The following ANO3 variants were observed in gnomAD, a reference collection of about 807,000 sequenced individuals.
ANO3 encodes the protein anoctamin-3.
Under a neutral mutation model 144.8 loss-of-function variants are expected in ANO3, and 99 were observed. The ratio of observed to expected loss-of-function variants is 0.68; its 90% CI spans 0.58 to 0.81. The LOEUF is 0.81. ANO3 is among the 30% of genes least tolerant of loss of function. ANO3 has a pLI of 0.00. For synonymous variants in ANO3, 414 were observed against 392.6 expected (o/e 1.05, Z -0.64); for missense variants, 905 against 1,202.2 (o/e 0.75, Z 3.66).
In ANO3 at chr11:26,598,921, G is replaced by T. The variant is rs780946947; in HGVS notation, c.1594G>T (p.Gly532Ter). The T allele has an allele frequency of 6.2e-7, 1 of 1,613,892 alleles. No homozygotes were observed. The highest frequency in any genetic ancestry group is 2.2e-5 in the East Asian group (1 of 44,842). Reference sequence around the variant, plus strand: ...GATGGAGATTGTAAATCCCATCACGGGAAAACCTGAACCACATCAGCCTTC... The same window carrying T: ...GATGGAGATTGTAAATCCCATCACGTGAAAACCTGAACCACATCAGCCTTC... Reference protein sequence around the residue: ...YKMEIVNPITGKPEPHQPSSD... With the variant: ...YKMEIVNPIT The change falls in exon 16 of 27, where the codon GGA (glycine) becomes TGA (stop). Residue 532 changes from glycine (G) to a stop codon, truncating the protein, a stop_gained. Transcript: ENST00000256737. LOFTEE classifies it high-confidence loss of function.
intron 14 of ANO3, among the ~76,000 whole-genome samples, chr11:26,571,022 A>G (rs1052932212): frequency 2.0e-5 from 3 of 152,126 alleles, no homozygotes; most frequent in Admixed American, 2.0e-4. Context: ...CAAGAAAAAA[A>G]CAAATTTCAG....
At chr11:26,217,206 C>T (rs1020649317) in intron 1 of ANO3, among the ~76,000 whole-genome samples, 6 of 151,920 alleles carry the variant, frequency 3.9e-5, no homozygotes, top group Non-Finnish European at 8.8e-5. Flanking sequence ...TTTACATTTA[C>T]GTCTATGATC....
chr11:26,396,592 C>T (rs1245673019), intron 1 of ANO3, among the ~76,000 whole-genome samples: 1 of 137,652 alleles, frequency 7.3e-6, no homozygotes, highest in African/African-American at 2.7e-5. Context: ...GGCACATACA[C>T]ACCAAGGAAT....
intron 24 of ANO3, among the ~76,000 whole-genome samples, chr11:26,649,164 C>T (rs1349398134): frequency 1.3e-5 from 2 of 151,818 alleles, no homozygotes; most frequent in African/African-American, 4.8e-5. Flanking sequence ...CCATAAAAAC[C>T]CTAGCAAAAA....
intron 1 of ANO3, among the ~76,000 whole-genome samples, chr11:26,254,043 A>G (rs1430855655): frequency 6.6e-6 from 1 of 152,168 alleles, no homozygotes; most frequent in Non-Finnish European, 1.5e-5. Context: ...TTCTAGATGG[A>G]ATTACCAGCA....
intron 1 of ANO3, among the ~76,000 whole-genome samples, chr11:26,322,493 TCTTGA>T (rs965955970): frequency 3.9e-5 from 6 of 152,156 alleles, no homozygotes; most frequent in Non-Finnish European, 8.8e-5. Flanking sequence ...TTTAGGCTCC[TCTTGA>T]CTTGACAGTT....
At chr11:26,193,739 T>C (rs1851523932) in intron 1 of ANO3, among the ~76,000 whole-genome samples, 1 of 152,196 alleles carries the variant, frequency 6.6e-6, no homozygotes, top group South Asian at 2.1e-4. Context: ...TTTTGTACTT[T>C]TCTGAGCTAC....
chr11:26,301,557 T>C (rs1854232825), intron 1 of ANO3, among the ~76,000 whole-genome samples: 1 of 152,156 alleles, frequency 6.6e-6, no homozygotes, highest in Admixed American at 6.5e-5. Context: ...TTCCTAAAAG[T>C]AGAATGGAAG....
At chr11:26,370,601 T>C (rs1277100456) in intron 1 of ANO3, among the ~76,000 whole-genome samples, 1 of 152,178 alleles carries the variant, frequency 6.6e-6, no homozygotes, top group Non-Finnish European at 1.5e-5. Flanking sequence ...TCTTAAAACT[T>C]GGAGGGCTCA....
chr11:26,218,597 A>G (rs1027243698), intron 1 of ANO3, among the ~76,000 whole-genome samples: 7 of 152,186 alleles, frequency 4.6e-5, no homozygotes, highest in African/African-American at 1.7e-4. Flanking sequence ...AGCATTTGCC[A>G]AAGAGCTGTA....
chr11:26,434,585 A>T (rs1858231329), intron 1 of ANO3, among the ~76,000 whole-genome samples: 1 of 152,070 alleles, frequency 6.6e-6, no homozygotes. Flanking sequence ...TTCCCTTCTA[A>T]CACTGCCTGA....
chr11:26,603,477 A>G (rs919021512), intron 17 of ANO3, among the ~76,000 whole-genome samples: 1 of 152,068 alleles, frequency 6.6e-6, no homozygotes, highest in African/African-American at 2.4e-5. Context: ...TCATTGTAGT[A>G]TTATTTAGAG....
intron 17 of ANO3, among the ~76,000 whole-genome samples, chr11:26,600,320 C>T (rs1468285207): frequency 1.2e-5 from 1 of 86,506 alleles, no homozygotes; most frequent in Non-Finnish European, 2.4e-5. Context: ...TCTCCTCTCC[C>T]CTCCCGTCTT....
intron 1 of ANO3, among the ~76,000 whole-genome samples, chr11:26,354,812 T>C (rs1855736628): frequency 2.6e-5 from 4 of 152,162 alleles, no homozygotes; most frequent in Admixed American, 2.0e-4. Context: ...ATTAAAATTG[T>C]TTAATGTATA....
chr11:26,216,132 C>T (rs1852031855), intron 1 of ANO3, among the ~76,000 whole-genome samples: 1 of 151,818 alleles, frequency 6.6e-6, no homozygotes, highest in Non-Finnish European at 1.5e-5. Context: ...TACGTTATTC[C>T]TTTTATCTTA....
chr11:26,410,531 GGAGATGA>G (rs1857401981), intron 1 of ANO3, among the ~76,000 whole-genome samples: 3 of 151,864 alleles, frequency 2.0e-5, no homozygotes, highest in Non-Finnish European at 4.4e-5. Context: ...GGAATTGAAG[GGAGATGA>G]TGTGGCTTGG....
At position 26,640,724 on chromosome 11, in the gene ANO3, C is replaced by T. The variant is rs1853121331; in HGVS notation, c.2142-1172C>T. ...CACATATATCAAATCCTAAGGGCAC[C>T]ATGGCACATCTTACCCTTCCCGATA... is the stretch of plus-strand genomic sequence containing the variant. On this transcript the variant is annotated intron_variant, in intron 21 of 26. Coordinates refer to ENST00000256737, the MANE Select transcript of ANO3 (RefSeq NM_031418.4). 2.0e-5 allele frequency among the ~76,000 whole-genome samples: 3 copies of T among 152,028 alleles called. No homozygotes were observed. In the South Asian group the frequency reaches 6.2e-4, roughly 32 times the overall value.
At position 26,579,775 on chromosome 11, in the gene ANO3, T is replaced by C. The variant is rs570415340; in HGVS notation, c.1448-18590T>C. On this transcript the variant is annotated intron_variant, in intron 14 of 26. Transcript: ENST00000256737. The stretch of plus-strand genomic sequence containing the variant: ...TTAAAGTTGTTATGAATCCCCTCTT[T>C]TAAATATAAGTACTTTAGTAACATT... 2.0e-5 allele frequency among the ~76,000 whole-genome samples: 3 copies of C among 152,262 alleles called. No homozygotes were observed. In the South Asian group the frequency reaches 6.2e-4, roughly 32 times the overall value.
chr11:26,558,098 T>G (rs574942290), intron 13 of ANO3, among the ~76,000 whole-genome samples: 21 of 152,302 alleles, frequency 1.4e-4, no homozygotes, highest in African/African-American at 5.1e-4. Context: ...ATGTTTAAAT[T>G]TATTGACTTA....
Sources: gnomAD v4.1 joint callset for allele counts (sites outside exome capture counted in the v4.1 genomes callset) on GRCh38, gnomAD v4.1.1 for gene constraint, MANE v1.5 for transcripts, NCBI Gene and HGNC (gene_info 2026-07-23, HGNC 2026-07-21) for gene names.